The following NBPF10 variants were observed in gnomAD, a reference collection of about 807,000 sequenced individuals.
NBPF10 encodes NBPF family member NBPF10.
Under a neutral mutation model 77.9 loss-of-function variants are expected in NBPF10, and 63 were observed. The observed-to-expected ratio is 0.81, with a 90% CI of 0.66 to 1.00. The LOEUF is 1.00. Ranked by LOEUF, NBPF10 falls within the 50% of genes least tolerant of loss-of-function variation. NBPF10 has a pLI of 0.00. For synonymous variants in NBPF10, 146 were observed against 264.5 expected (o/e 0.55, Z 4.35); for missense variants, 522 against 679.8 (o/e 0.77, Z 2.58).
chr1:146,142,956 A>C (rs1660449487), intron 1 of NBPF10, among the ~76,000 whole-genome samples: 1 of 97,874 alleles, frequency 1.0e-5, no homozygotes, highest in African/African-American at 3.0e-5. Flanking sequence ...AAAAAAGAGA[A>C]ACTCAAGGGC....
At chr1:146,126,803 C>G (rs1330003247) in intron 13 of NBPF10, among the ~76,000 whole-genome samples, 4 of 125,666 alleles carry the variant, frequency 3.2e-5, no homozygotes, top group East Asian at 4.4e-4. Context: ...GAGAATACAG[C>G]TTTTGAGGTA....
At chr1:146,136,485 T>C in intron 6 of NBPF10, 30 bp from the exon 7 acceptor site, 1 of 1,608,918 alleles carries the variant, frequency 6.2e-7, no homozygotes, top group Non-Finnish European at 8.5e-7. Context: ...CCTGCCTCAG[T>C]GGAAGGCTGG....
chr1:146,139,092 C>CA (rs1660009594), intron 5 of NBPF10, among the ~76,000 whole-genome samples: 1 of 82,440 alleles, frequency 1.2e-5, no homozygotes, highest in Non-Finnish European at 2.4e-5. Context: ...CAGAGACTTA[C>CA]TTTTTTTTTT....
chr1:146,126,325 C>T (rs184819447), exon 14 of NBPF10: 4 of 1,310,978 alleles, frequency 3.1e-6, no homozygotes, highest in African/African-American at 1.5e-5. Context: ...CAGTTCAAGA[C>T]AACCTGAAGG....
At chr1:146,066,744 T>A (rs1404997438) in intron 89 of NBPF10, among the ~76,000 whole-genome samples, 183 bp from the exon 90 acceptor site, 8 of 149,424 alleles carry the variant, frequency 5.4e-5, no homozygotes, top group South Asian at 4.3e-4. Flanking sequence ...TAGAAAACAA[T>A]GAAAGAGAAA....
At chr1:146,066,670 T>C (rs1487423204) in intron 89 of NBPF10, 109 bp from the exon 90 acceptor site, 26 of 538,030 alleles carry the variant, frequency 4.8e-5, no homozygotes, top group East Asian at 4.2e-4. Context: ...AGAAAAAGGA[T>C]AGAACCATTA....
chr1:146,126,336 A>C (rs782529941), exon 14 of NBPF10: 4 of 1,297,574 alleles, frequency 3.1e-6, no homozygotes, highest in East Asian at 4.6e-5. Flanking sequence ...AACCTGAAGG[A>C]GTTGAATAAC....
chr1:146,126,115 C>T (rs1255362550), intron 14 of NBPF10, 121 bp downstream of exon 14: 12 of 723,248 alleles, frequency 1.7e-5, no homozygotes, highest in African/African-American at 3.5e-5. Flanking sequence ...CCTACATGTG[C>T]CTATAGGTCC....
exon 14 of NBPF10, chr1:146,126,407 G>C (rs1436913640): frequency 7.2e-6 from 9 of 1,243,308 alleles, no homozygotes; most frequent in Non-Finnish European, 8.2e-6. Flanking sequence ...TCCCTGCTGA[G>C]CGTGGAAAAG....
At chr1:146,126,504 A>G in intron 13 of NBPF10, 96 bp from the exon 14 acceptor site, 1 of 719,316 alleles carries the variant, frequency 1.4e-6, no homozygotes, top group East Asian at 2.6e-5. Flanking sequence ...AAGAGTTTGA[A>G]AAGAAAAAGG....
At chr1:146,126,177 A>G in intron 14 of NBPF10, 59 bp downstream of exon 14, 1 of 921,978 alleles carries the variant, frequency 1.1e-6, no homozygotes, top group South Asian at 1.3e-5. Flanking sequence ...TGCAGTAGGA[A>G]TATGACCCTA....
chr1:146,069,574 T>A (rs782392300), exon 86 of NBPF10: 2 of 1,305,150 alleles, frequency 1.5e-6, no homozygotes, highest in African/African-American at 3.9e-5. Context: ...CAACACGCTG[T>A]TGCTCCAATA....
chr1:146,125,895 G>A (rs75034542), intron 14 of NBPF10, among the ~76,000 whole-genome samples: 1 of 151,370 alleles, frequency 6.6e-6, no homozygotes, highest in Admixed American at 6.6e-5. Flanking sequence ...GAGGATTTTA[G>A]ACGCTGAAAT....
At chr1:146,136,284 C>T (rs1659693031) in intron 7 of NBPF10, 69 bp downstream of exon 7, 1 of 907,846 alleles carries the variant, frequency 1.1e-6, no homozygotes, top group African/African-American at 1.7e-5. Flanking sequence ...TTACGTCTCC[C>T]CACCGAGCTG....
chr1:146,067,860 T>C, intron 88 of NBPF10, 143 bp downstream of exon 88: 1 of 698,414 alleles, frequency 1.4e-6, no homozygotes, highest in Non-Finnish European at 2.6e-6. Flanking sequence ...GAGACTACAG[T>C]TTCATTACAA....
At chr1:146,140,405 T>C (rs1660177923) in intron 4 of NBPF10, 79 bp downstream of exon 4, 1 of 765,954 alleles carries the variant, frequency 1.3e-6, no homozygotes. Flanking sequence ...TGGCCCATCA[T>C]AGATGCCAGA....
intron 2 of NBPF10, 49 bp from the exon 3 acceptor site, chr1:146,141,867 T>G (rs1660338044): frequency 1.7e-6 from 2 of 1,156,972 alleles, no homozygotes; most frequent in African/African-American, 1.4e-5. Flanking sequence ...GGTTGAGTGA[T>G]CCGTTCAAAT....
At chr1:146,126,501 TG>T in intron 13 of NBPF10, 93 bp from the exon 14 acceptor site, 1 of 719,374 alleles carries the variant, frequency 1.4e-6, no homozygotes, top group Non-Finnish European at 2.6e-6. Flanking sequence ...AGGAAGAGTT[TG>T]AAAAGAAAAA....
chr1:146,141,992 C>A lies in NBPF10; in HGVS notation c.279-174G>T, dbSNP rs1214773298. On this transcript the variant is annotated intron_variant, in intron 2 of 89. Transcript: ENST00000583866. ...GAAAGAATAGAAAATGGTCTACAGG[C>A]TTTCCCTCTATCAGAGAGGGCTCCT... Among the ~76,000 whole-genome samples the A allele has an allele frequency of 3.4e-4, 43 of 126,352 alleles. 1 individual carries two copies. Among genetic ancestry groups the A allele is most frequent in the Non-Finnish European group, 7.4e-4 (40 of 54,206 alleles). The allele number at this position is 126,352 out of a possible 152,430, so 82.9% of individuals were successfully genotyped here.
Sources: allele counts gnomAD v4.1 joint callset (sites outside exome capture counted in the v4.1 genomes callset), GRCh38; gene constraint gnomAD v4.1.1; transcripts MANE v1.5; gene names NCBI Gene and HGNC (gene_info 2026-07-23, HGNC 2026-07-21).